DLGAP2: variants seen among roughly 807,000 people sequenced by gnomAD.
DLGAP2 encodes the protein DLG associated protein 2.
DLGAP2 carries 26 observed loss-of-function variants against 100.3 expected under a neutral mutation model. That is an observed-to-expected ratio of 0.26 (90% CI 0.19 to 0.36). DLGAP2 has a LOEUF of 0.36. DLGAP2 is among the 10% of genes least tolerant of loss of function. The pLI is 1.00. For missense variants in DLGAP2, 1,858 were observed against 1,453.2 expected (o/e 1.28, Z -4.53); for synonymous variants, 886 against 630.1 (o/e 1.41, Z -6.08).
intron 1 of DLGAP2, among the ~76,000 whole-genome samples, chr8:836,294 G>A (rs1212647644): frequency 1.3e-5 from 2 of 152,330 alleles, no homozygotes; most frequent in Admixed American, 6.5e-5. Flanking sequence ...TTCCTGTGGA[G>A]TAGACGCTGT....
intron 3 of DLGAP2, among the ~76,000 whole-genome samples, chr8:1,372,337 A>C (rs1415486760): frequency 6.6e-6 from 1 of 152,004 alleles, no homozygotes; most frequent in Non-Finnish European, 1.5e-5. Context: ...ACACTAGGAC[A>C]CTGTTTAATG....
chr8:952,984 G>T (rs1799515705), intron 2 of DLGAP2, among the ~76,000 whole-genome samples: 1 of 152,140 alleles, frequency 6.6e-6, no homozygotes, highest in Admixed American at 6.5e-5. Flanking sequence ...GCTCATACAT[G>T]AGATTATAGC....
intron 1 of DLGAP2, among the ~76,000 whole-genome samples, chr8:807,829 G>A (rs12156398): frequency 1.3e-5 from 2 of 152,074 alleles, no homozygotes; most frequent in African/African-American, 2.4e-5. Flanking sequence ...TCAAAATGAC[G>A]GGGGTGCTGG....
intron 8 of DLGAP2, among the ~76,000 whole-genome samples, chr8:1,639,922 C>G (rs1160259600): frequency 2.0e-5 from 3 of 152,198 alleles, no homozygotes; most frequent in East Asian, 3.9e-4. Flanking sequence ...CCAGGATCAT[C>G]TCCCCATCTC....
At chr8:1,622,756 C>T (rs1797379111) in intron 6 of DLGAP2, among the ~76,000 whole-genome samples, 1 of 152,204 alleles carries the variant, frequency 6.6e-6, no homozygotes, top group Non-Finnish European at 1.5e-5. Flanking sequence ...GTCCATATAG[C>T]AAAATATGTT....
At chr8:911,028 A>C (rs994956747) in intron 2 of DLGAP2, among the ~76,000 whole-genome samples, 2 of 152,064 alleles carry the variant, frequency 1.3e-5, no homozygotes, top group African/African-American at 4.8e-5. Context: ...TGGAGCTGGA[A>C]TCCTCATTTA....
intron 4 of DLGAP2, among the ~76,000 whole-genome samples, chr8:1,522,456 G>A (rs376925768): frequency 6.6e-6 from 1 of 152,364 alleles, no homozygotes; most frequent in Admixed American, 6.5e-5. Context: ...GATCCACAGT[G>A]CTGGGGCCAA....
rs1190090716 is a variant in DLGAP2 at position 1,258,860 on chromosome 8, G to T, written c.83G>T (p.Cys28Phe). The T allele has an allele frequency of 1.6e-6, 2 of 1,231,664 alleles. No homozygotes were observed. Among genetic ancestry groups the T allele is most frequent in the African/African-American group, 3.1e-5 (2 of 64,430 alleles). The allele number at this position is 1,231,664 out of a possible 1,614,324, so 76.3% of individuals were successfully genotyped here. A position where few individuals can be genotyped will look rare whatever the true frequency, so the allele number is the denominator to read the frequency against. Reference sequence around the variant, plus strand: ...CTGTCTCTGTTTTCAGAGTCGCAGTGCACGCTCTGCGGGGAGCCGGAAGGT... The same window carrying T: ...CTGTCTCTGTTTTCAGAGTCGCAGTTCACGCTCTGCGGGGAGCCGGAAGGT... ...ILPDRNTESQ[C>F]TLCGEPEEEE... Residue 28 changes from cysteine to phenylalanine, a missense_variant, in exon 3 of 15, where the codon TGC (cysteine) becomes TTC (phenylalanine). Coordinates refer to ENST00000637795, the MANE Select transcript of DLGAP2 (RefSeq NM_001346810.2).
intron 3 of DLGAP2, among the ~76,000 whole-genome samples, chr8:1,330,878 G>T (rs901535215): frequency 1.4e-5 from 2 of 146,148 alleles, no homozygotes; most frequent in South Asian, 2.2e-4. Flanking sequence ...TGGGAGCATC[G>T]CTTCACGGGG....
At chr8:859,442 G>A (rs1307172196) in intron 1 of DLGAP2, among the ~76,000 whole-genome samples, 1 of 152,156 alleles carries the variant, frequency 6.6e-6, no homozygotes, top group Non-Finnish European at 1.5e-5. Flanking sequence ...GAGTTTAGGT[G>A]ACTGGAGTTT....
At chr8:1,585,730 A>T (rs575938504) in intron 6 of DLGAP2, among the ~76,000 whole-genome samples, 1 of 152,328 alleles carries the variant, frequency 6.6e-6, no homozygotes, top group East Asian at 1.9e-4. Context: ...GTGCCTGGGC[A>T]GTACTGTAGC....
intron 5 of DLGAP2, among the ~76,000 whole-genome samples, chr8:1,555,081 T>A (rs943386097): frequency 6.6e-6 from 1 of 152,152 alleles, no homozygotes; most frequent in Non-Finnish European, 1.5e-5. Flanking sequence ...GGTATAGATC[T>A]GGGGCCGTGA....
chr8:1,419,074 T>C (rs1279376350), intron 3 of DLGAP2, among the ~76,000 whole-genome samples: 1 of 152,254 alleles, frequency 6.6e-6, no homozygotes, highest in Non-Finnish European at 1.5e-5. Context: ...ACCGCCTCCC[T>C]GTGTTCAGCC....
intron 3 of DLGAP2, among the ~76,000 whole-genome samples, chr8:1,354,438 G>A (rs549921565): frequency 2.8e-4 from 43 of 152,308 alleles, no homozygotes; most frequent in African/African-American, 2.6e-4. Context: ...ACTTGAACTC[G>A]GGAGGCACAG....
chr8:1,196,111 C>T (rs1797744246), intron 2 of DLGAP2, among the ~76,000 whole-genome samples: 1 of 152,196 alleles, frequency 6.6e-6, no homozygotes, highest in Non-Finnish European at 1.5e-5. Context: ...ATATCCAGGG[C>T]CCCGTCACAT....
At chr8:1,315,554 G>T (rs74785558) in intron 3 of DLGAP2, among the ~76,000 whole-genome samples, 232 of 125,402 alleles carry the variant, frequency 1.9e-3, no homozygotes, top group African/African-American at 6.1e-3. Flanking sequence ...ACTCGGCAGC[G>T]TTTAAAAATA....
intron 2 of DLGAP2, among the ~76,000 whole-genome samples, chr8:1,052,766 A>G (rs899246676): frequency 6.6e-6 from 1 of 152,144 alleles, no homozygotes; most frequent in Admixed American, 6.5e-5. Flanking sequence ...CACACACTGG[A>G]CTTGTTTTTA....
intron 2 of DLGAP2, among the ~76,000 whole-genome samples, chr8:1,056,665 C>G (rs755448588): frequency 1.8e-4 from 28 of 152,254 alleles, no homozygotes; most frequent in Non-Finnish European, 3.7e-4. Flanking sequence ...GATGCGTTAG[C>G]ACTGTGCTGC....
In DLGAP2 at chr8:1,479,995, A is replaced by T. The variant is rs59768332; in HGVS notation, c.107-21371A>T. ...CCAGTCCCTGTGATAAATGTTTTAC[A>T]TAGATTAGTCCTCACCAGCCCCTGT... On this transcript the variant is annotated intron_variant, in intron 3 of 14. Transcript: ENST00000637795. Among the ~76,000 whole-genome samples the T allele has an allele frequency of 3.9e-3, 591 of 152,288 alleles. 3 individuals carry two copies. The highest frequency in any genetic ancestry group is 0.014 in the African/African-American group (567 of 41,528).
Sources: allele counts gnomAD v4.1 joint callset (sites outside exome capture counted in the v4.1 genomes callset), GRCh38; gene constraint gnomAD v4.1.1; transcripts MANE v1.5; gene names NCBI Gene and HGNC (gene_info 2026-07-23, HGNC 2026-07-21).